The following AQR variants were observed in gnomAD, a reference collection of about 807,000 sequenced individuals.
AQR encodes the protein RNA helicase aquarius.
Under a neutral mutation model 180.5 loss-of-function variants are expected in AQR, and 61 were observed. That is an observed-to-expected ratio of 0.34 (90% CI 0.28 to 0.42). AQR has a LOEUF of 0.42. Ranked by LOEUF, AQR falls within the 10% of genes least tolerant of loss-of-function variation. The pLI, the probability that AQR is intolerant of heterozygous loss-of-function variation, is 1.00. For missense variants in AQR, 1,281 were observed against 1,798.3 expected, an observed-to-expected ratio of 0.71 and a Z score of 5.20; for synonymous variants, 551 against 588.8, an observed-to-expected ratio of 0.94 and a Z score of 0.93.
At chr15:34,969,420 T>C in intron 1 of AQR, 119 bp downstream of exon 1, 1 of 1,013,266 alleles carries the variant, frequency 9.9e-7, no homozygotes. Context: ...CGTGTGTGAA[T>C]CAATTAACAA....
In AQR at chr15:34,854,590, C is replaced by T. The variant is rs1892561736; in HGVS notation, c.*2202G>A. The stretch of plus-strand genomic sequence containing the variant: ...CAAGATTCTACAGTCAACTGCCACT[C>T]ACTTGCCTTTCCAATGAATAAACCG... On this transcript the variant is annotated 3_prime_UTR_variant, in exon 35 of 35. Coordinates refer to ENST00000156471, the MANE Select transcript of AQR (RefSeq NM_014691.3). 6.6e-6 allele frequency: 1 copy of T among 152,222 alleles called. No homozygotes were observed. The highest frequency in any genetic ancestry group is 1.5e-5 in the Non-Finnish European group (1 of 68,046). The allele number at this position is 152,222 out of a possible 1,614,324, so 9.4% of individuals were successfully genotyped here. A position where few individuals can be genotyped will look rare whatever the true frequency, so the allele number is the denominator to read the frequency against.
intron 26 of AQR, among the ~76,000 whole-genome samples, chr15:34,884,035 A>G (rs1893016028): frequency 6.6e-6 from 1 of 152,224 alleles, no homozygotes. Flanking sequence ...TCTCAAAAAT[A>G]CTAAGACCTT....
At chr15:34,878,804 G>T (rs1319573707) in intron 27 of AQR, among the ~76,000 whole-genome samples, 3 of 152,154 alleles carry the variant, frequency 2.0e-5, no homozygotes, top group Non-Finnish European at 4.4e-5. Flanking sequence ...CCCGAGGCTG[G>T]ATCACTTGAG....
chr15:34,964,336 T>C, intron 1 of AQR, 46 bp from the exon 2 acceptor site: 2 of 1,454,198 alleles, frequency 1.4e-6, no homozygotes, highest in Non-Finnish European at 9.6e-7. Context: ...TTCTTGCCAT[T>C]GTAGAGCTGG....
At chr15:34,885,970 T>C (rs1893053989) in intron 25 of AQR, among the ~76,000 whole-genome samples, 1 of 152,178 alleles carries the variant, frequency 6.6e-6, no homozygotes, top group Non-Finnish European at 1.5e-5. Context: ...TAAAGTTTAG[T>C]TTTATTCACT....
rs538711417 is a variant in AQR at position 34,949,605 on chromosome 15, CAAAAAAAA to C, written c.210-1229_210-1222del. On this transcript the variant is annotated intron_variant, in intron 4 of 34. Transcript: ENST00000156471. ...GCCTGGCAACAGTGAGACTCCGTCA[CAAAAAAAA>C]AAAAAAAAAAAAAAGGAAAACCCAA... is the stretch of plus-strand genomic sequence containing the variant. 1.4e-4 allele frequency among the ~76,000 whole-genome samples: 7 copies of C among 49,646 alleles called. No individual in the cohort carries two copies. In the East Asian group the frequency reaches 3.1e-3, roughly 22 times the overall value. The allele number at this position is 49,646 out of a possible 152,430, so 32.6% of individuals were successfully genotyped here.
chr15:34,961,040 G>A (rs1054100459), intron 2 of AQR, among the ~76,000 whole-genome samples: 4 of 151,976 alleles, frequency 2.6e-5, no homozygotes, highest in African/African-American at 9.7e-5. Context: ...CAGAGCCCTA[G>A]ATTCATTAAA....
rs555744622 is a variant in AQR, at chr15:34,962,520, C to G, written c.133-1706G>C. 3.9e-5 allele frequency among the ~76,000 whole-genome samples: 6 copies of G among 152,116 alleles called. No individual in the cohort carries two copies. The East Asian group carries it at 1.2e-3, about 29-fold the overall frequency. On this transcript the variant is annotated intron_variant, in intron 2 of 34. Transcript: ENST00000156471. ...GTGGTGGCTCAAGCCTGTAATCCCA[C>G]CACTTTGGGAGGCCAAGGTGGGCAG...
chr15:34,909,609 C>T (rs1339753775), intron 17 of AQR, among the ~76,000 whole-genome samples: 3 of 152,116 alleles, frequency 2.0e-5, no homozygotes, highest in Non-Finnish European at 4.4e-5. Flanking sequence ...CCCTGCCCAC[C>T]CCCACATATT....
intron 30 of AQR, among the ~76,000 whole-genome samples, chr15:34,871,725 G>A (rs1419949085): frequency 3.3e-5 from 5 of 151,756 alleles, no homozygotes; most frequent in Non-Finnish European, 5.9e-5. Flanking sequence ...TGTTCTCTGC[G>A]TAATGGTTGT....
chr15:34,923,474 T>C (rs1893711782), intron 13 of AQR, among the ~76,000 whole-genome samples: 1 of 152,198 alleles, frequency 6.6e-6, no homozygotes, highest in Admixed American at 6.6e-5. Flanking sequence ...CATTTTTTTT[T>C]CCATTATGGA....
chr15:34,907,938 T>A (rs893600998), intron 17 of AQR, among the ~76,000 whole-genome samples: 1 of 152,192 alleles, frequency 6.6e-6, no homozygotes, highest in African/African-American at 2.4e-5. Context: ...CCACATTTTT[T>A]AAAATCCTAT....
chr15:34,915,521 C>A (rs1893568888), intron 15 of AQR, among the ~76,000 whole-genome samples: 1 of 151,736 alleles, frequency 6.6e-6, no homozygotes, highest in Non-Finnish European at 1.5e-5. Flanking sequence ...TATTTGTTCT[C>A]TGTATTAAAA....
chr15:34,922,926 A>C (rs1242755136), intron 13 of AQR, among the ~76,000 whole-genome samples: 1 of 152,114 alleles, frequency 6.6e-6, no homozygotes, highest in Non-Finnish European at 1.5e-5. Flanking sequence ...ATTGACATCT[A>C]TCTACCTACT....
chr15:34,935,549 G>A (rs1359944626), intron 9 of AQR, among the ~76,000 whole-genome samples: 1 of 152,168 alleles, frequency 6.6e-6, no homozygotes, highest in East Asian at 1.9e-4. Flanking sequence ...TTAATGTAAA[G>A]CAAGAAATGT....
intron 13 of AQR, among the ~76,000 whole-genome samples, chr15:34,921,923 A>T (rs1893689744): frequency 1.3e-5 from 2 of 151,886 alleles, no homozygotes. Context: ...CAATCCTCCC[A>T]CCTCAGCCTC....
Position 34,884,558 on chromosome 15 carries a change from G to A in AQR, c.2994C>T (p.Phe998=), listed in dbSNP as rs758618904. The part of the protein sequence containing the change: ...EEDMEIAEGC[F]RHIKKIFTQL... The stretch of plus-strand genomic sequence containing the variant: ...GCGTAAAGATTTTCTTAATATGCCT[G>A]AAACATCCTTCAGCAATTTCCATGT... Residue 998 remains phenylalanine (F), a synonymous_variant, in exon 26 of 35, where the codon TTC becomes TTT. Transcript: ENST00000156471. The A allele has an allele frequency of 9.4e-6, 15 of 1,600,564 alleles. No homozygotes were observed. The East Asian group carries it at 3.4e-4, about 36-fold the overall frequency.
chr15:34,860,114 AT>A lies in AQR; in HGVS notation c.4070del (p.Asn1357IlefsTer16). 10 of 1,528,126 alleles carry A rather than the reference AT, an allele frequency of 6.5e-6. No homozygotes were observed. The highest frequency in any genetic ancestry group is 2.6e-5 in the South Asian group (2 of 76,200). 94.7% of individuals were successfully genotyped at this position (1,528,126 alleles called of 1,614,324 possible). A position where few individuals can be genotyped will look rare whatever the true frequency, so the allele number is the denominator to read the frequency against. On this transcript the variant is annotated frameshift_variant, in exon 34 of 35. Transcript: ENST00000156471. LOFTEE classifies it high-confidence loss of function. ...RPSHEVQIIK[N>X]MPQMANFVYN... ...ATACAAAGTTTGCCATCTGGGGCATATTTTTTATTATTTGTACTTCATGAGA... is the reference window on the plus strand; with the variant it reads ...ATACAAAGTTTGCCATCTGGGGCATATTTTTATTATTTGTACTTCATGAGA...
chr15:34,961,135 G>A (rs2140508460), intron 2 of AQR, among the ~76,000 whole-genome samples: 1 of 152,190 alleles, frequency 6.6e-6, no homozygotes, highest in South Asian at 2.1e-4. Context: ...TAAATGTTAT[G>A]AGACTCCATT....
Sources: allele counts gnomAD v4.1 joint callset (sites outside exome capture counted in the v4.1 genomes callset), GRCh38; gene constraint gnomAD v4.1.1; transcripts MANE v1.5; gene names NCBI Gene and HGNC (gene_info 2026-07-23, HGNC 2026-07-21).